The following SLC16A12 variants were observed in gnomAD, a reference collection of about 807,000 sequenced individuals.
SLC16A12 encodes the protein solute carrier family 16 member 12, also known as monocarboxylate transporter 12.
SLC16A12 carries 17 observed loss-of-function variants against 42.4 expected under a neutral mutation model. That is an observed-to-expected ratio of 0.40 (90% CI 0.27 to 0.60). The LOEUF (loss-of-function observed/expected upper bound fraction) is 0.60, where lower values mean the gene tolerates loss of function less well. Ranked by LOEUF, SLC16A12 falls within the 20% of genes least tolerant of loss-of-function variation. The probability of loss-of-function intolerance (pLI) is 0.42; values close to 1 mark genes in which losing one functional copy is unlikely to be tolerated. For missense variants in SLC16A12, 544 were observed against 623.0 expected (o/e 0.87, Z 1.35); for synonymous variants, 224 against 229.4 (o/e 0.98, Z 0.21).
chr10:89,479,723 A>G (rs190835603), intron 2 of SLC16A12, among the ~76,000 whole-genome samples: 41 of 152,354 alleles, frequency 2.7e-4, no homozygotes, highest in East Asian at 1.2e-3. Flanking sequence ...CACAGTAAGC[A>G]TTCAAATAAA....
chr10:89,470,002 T>C (rs1341429392), intron 2 of SLC16A12, among the ~76,000 whole-genome samples: 2 of 152,222 alleles, frequency 1.3e-5, no homozygotes, highest in Admixed American at 6.5e-5. Context: ...AATATTCCTA[T>C]ACTATAGGTA....
chr10:89,464,815 C>T (rs772772976), intron 2 of SLC16A12, among the ~76,000 whole-genome samples: 7 of 152,168 alleles, frequency 4.6e-5, no homozygotes, highest in African/African-American at 1.7e-4. Context: ...ACATACATCA[C>T]TTAGGTTTGC....
intron 2 of SLC16A12, among the ~76,000 whole-genome samples, chr10:89,492,911 G>T (rs1842867352): frequency 6.6e-6 from 1 of 151,906 alleles, no homozygotes. Context: ...TCCTCCTGGG[G>T]AGGCCTGGCC....
At chr10:89,489,803 A>T (rs931755330) in intron 2 of SLC16A12, among the ~76,000 whole-genome samples, 1 of 152,168 alleles carries the variant, frequency 6.6e-6, no homozygotes, top group Non-Finnish European at 1.5e-5. Flanking sequence ...ACCTGTAAAC[A>T]CATAATAAGG....
chr10:89,536,255 G>A (rs536381338), upstream of SLC16A12, among the ~76,000 whole-genome samples: 27 of 152,266 alleles, frequency 1.8e-4, no homozygotes, highest in Non-Finnish European at 3.8e-4. Flanking sequence ...GTATCTGGCA[G>A]GGATCCGGAC....
At chr10:89,543,094 C>T (rs1461520456) in intron 2 of SLC16A12, among the ~76,000 whole-genome samples, 1 of 152,192 alleles carries the variant, frequency 6.6e-6, no homozygotes, top group African/African-American at 2.4e-5. Context: ...TGTAACTTCC[C>T]TTGAAAGGCA....
In SLC16A12 at chr10:89,443,779, A is replaced by G. The variant is rs760456808; in HGVS notation, c.281T>C (p.Val94Ala). ...ACCACAGAGCATGGTCACACAATCTACAATGGAATGGATCCATGCCGTTTG... is the reference window on the plus strand; with the variant it reads ...ACCACAGAGCATGGTCACACAATCTGCAATGGAATGGATCCATGCCGTTTG... ...YAQTAWIHSI[V>A]DCVTMLCAPL... Residue 94 changes from valine (V) to alanine (A), a missense_variant, in exon 4 of 8, where the codon GTA becomes GCA. Physicochemically the swap from Val to Ala is moderately conservative, Grantham distance 64. Transcript: ENST00000371790. 16 of 1,613,698 alleles carry G rather than the reference A, an allele frequency of 9.9e-6. No homozygotes were observed. Among genetic ancestry groups the G allele is most frequent in the Non-Finnish European group, 1.4e-5 (16 of 1,179,562 alleles).
intron 2 of SLC16A12, among the ~76,000 whole-genome samples, chr10:89,514,724 TA>T (rs1843219334): frequency 6.6e-6 from 1 of 152,184 alleles, no homozygotes. Context: ...TTACAGGGCT[TA>T]AACATAAATC....
chr10:89,433,404 G>T, intron 7 of SLC16A12, 78 bp from the exon 8 acceptor site: 1 of 1,469,684 alleles, frequency 6.8e-7, no homozygotes, highest in South Asian at 1.2e-5. Flanking sequence ...CTAATGATTT[G>T]TAAGGATAAT....
At chr10:89,436,364 T>A (rs374933104) in intron 6 of SLC16A12, 45 bp from the exon 7 acceptor site, 1 of 1,612,446 alleles carries the variant, frequency 6.2e-7, no homozygotes, top group African/African-American at 1.3e-5. Context: ...GTACACATTC[T>A]GTAAAAGAGC....
chr10:89,440,010 G>A (rs1169855348), intron 5 of SLC16A12, among the ~76,000 whole-genome samples: 3 of 141,580 alleles, frequency 2.1e-5, no homozygotes, highest in Non-Finnish European at 4.6e-5. Context: ...AGGAGACAGA[G>A]GTTGCAGCTG....
chr10:89,506,359 G>A (rs549117852), intron 2 of SLC16A12, among the ~76,000 whole-genome samples: 12 of 152,306 alleles, frequency 7.9e-5, no homozygotes, highest in South Asian at 4.1e-4. Flanking sequence ...CCTCTAGGAC[G>A]AAGCTTCCAG....
At chr10:89,457,658 T>C (rs909317544) in intron 3 of SLC16A12, among the ~76,000 whole-genome samples, 1 of 149,758 alleles carries the variant, frequency 6.7e-6, no homozygotes, top group Non-Finnish European at 1.5e-5. Flanking sequence ...GTACAACCAG[T>C]TACATTTTTT....
At chr10:89,486,648 AAAG>A (rs1169719123) in intron 2 of SLC16A12, among the ~76,000 whole-genome samples, 10 of 118,652 alleles carry the variant, frequency 8.4e-5, no homozygotes, top group African/African-American at 2.6e-4. Flanking sequence ...AGAAAGAAAG[AAAG>A]AAAGAAAGAA....
Position 89,436,387 on chromosome 10 carries a change from G to A in SLC16A12, c.1029-68C>T, listed in dbSNP as rs368477162. The A allele has an allele frequency of 1.1e-5, 18 of 1,577,452 alleles. No individual in the cohort carries two copies. The Admixed American group carries it at 1.3e-4, about 12-fold the overall frequency. On this transcript the variant is annotated intron_variant, in intron 6 of 7. Coordinates refer to ENST00000371790, the MANE Select transcript of SLC16A12 (RefSeq NM_213606.4). ...TCTGTAAAAGAGCTTTAGAGCCACGGCTATGCAGCAGTAAGCATTGCAGTT... is the reference window on the plus strand; with the variant it reads ...TCTGTAAAAGAGCTTTAGAGCCACGACTATGCAGCAGTAAGCATTGCAGTT...
intron 4 of SLC16A12, among the ~76,000 whole-genome samples, chr10:89,442,428 T>C (rs1841928371): frequency 6.6e-6 from 1 of 152,214 alleles, no homozygotes; most frequent in Admixed American, 6.5e-5. Context: ...GTGACCATAT[T>C]GGTCACCTAA....
At chr10:89,525,220 CAAAAAAAAAAAA>C (rs869295721) in intron 2 of SLC16A12, among the ~76,000 whole-genome samples, 4 of 64,664 alleles carry the variant, frequency 6.2e-5, no homozygotes, top group Admixed American at 4.2e-4. Flanking sequence ...GACACCATAT[CAAAAAAAAAAAA>C]AAAAAAAAAA....
chr10:89,503,735 T>C (rs1025121113), intron 2 of SLC16A12, among the ~76,000 whole-genome samples: 12 of 152,172 alleles, frequency 7.9e-5, no homozygotes, highest in African/African-American at 2.9e-4. Context: ...GAAAGAAAGA[T>C]GCTTGTGGTG....
At chr10:89,527,735 T>G (rs1288448536) in intron 2 of SLC16A12, among the ~76,000 whole-genome samples, 1 of 151,310 alleles carries the variant, frequency 6.6e-6, no homozygotes. Flanking sequence ...GCCTAGTAGT[T>G]CAAGGCTGCA....
Sources: gnomAD v4.1 joint callset for allele counts (sites outside exome capture counted in the v4.1 genomes callset) on GRCh38, gnomAD v4.1.1 for gene constraint, MANE v1.5 for transcripts, NCBI Gene and HGNC (gene_info 2026-07-23, HGNC 2026-07-21) for gene names.